Variants in SHPK observed in about 807,000 individuals in gnomAD.
SHPK encodes the protein sedoheptulokinase, also known as carbohydrate kinase-like protein.
SHPK carries 51 observed loss-of-function variants against 46.3 expected under a neutral mutation model. The ratio of observed to expected loss-of-function variants is 1.10; its 90% CI spans 0.88 to 1.39. The LOEUF (loss-of-function observed/expected upper bound fraction) is 1.39, where lower values mean the gene tolerates loss of function less well. SHPK is among the 40% of genes most tolerant of loss of function. SHPK has a pLI of 0.00. For missense variants in SHPK, 668 were observed against 641.3 expected, an observed-to-expected ratio of 1.04 and a Z score of -0.45; for synonymous variants, 290 against 273.9, an observed-to-expected ratio of 1.06 and a Z score of -0.58.
At chr17:3,633,880 G>A (rs1479006291) in intron 1 of SHPK, among the ~76,000 whole-genome samples, 1 of 151,994 alleles carries the variant, frequency 6.6e-6, no homozygotes, top group Non-Finnish European at 1.5e-5. Context: ...TGTCTGTGTA[G>A]AAAGAAGTAG....
chr17:3,631,685 G>A (rs1233858973), intron 1 of SHPK, among the ~76,000 whole-genome samples: 1 of 151,396 alleles, frequency 6.6e-6, no homozygotes, highest in Admixed American at 6.6e-5. Flanking sequence ...ACCACGCCGG[G>A]CTAATTTTTG....
intron 2 of SHPK, among the ~76,000 whole-genome samples, chr17:3,625,579 C>T (rs1304606878): frequency 1.3e-5 from 2 of 152,156 alleles, no homozygotes; most frequent in African/African-American, 4.8e-5. Context: ...CCGTGACCCC[C>T]TGGACCAGTC....
intron 4 of SHPK, 60 bp from the exon 5 acceptor site, chr17:3,621,472 A>ATCCTTCCTTCCT (rs897844938): frequency 6.7e-7 from 1 of 1,499,906 alleles, no homozygotes; most frequent in African/African-American, 1.4e-5. Flanking sequence ...AATTTAAGGG[A>ATCCTTCCTTCCT]TCCTTCCTTC....
chr17:3,628,416 G>A (rs1055827005), intron 2 of SHPK, among the ~76,000 whole-genome samples: 6 of 151,326 alleles, frequency 4.0e-5, no homozygotes, highest in African/African-American at 1.5e-4. Context: ...TCTGCCTCCC[G>A]GGTTCAAGTG....
intron 2 of SHPK, among the ~76,000 whole-genome samples, chr17:3,625,910 A>G (rs567483899): frequency 1.3e-5 from 2 of 152,070 alleles, no homozygotes; most frequent in Non-Finnish European, 2.9e-5. Context: ...AAAATTAGCC[A>G]GGTGTGGTAG....
chr17:3,612,313 C>A (rs527981163), intron 6 of SHPK, among the ~76,000 whole-genome samples: 17 of 151,520 alleles, frequency 1.1e-4, no homozygotes, highest in African/African-American at 3.9e-4. Context: ...GTAGTCCCAG[C>A]TACTTGGGAT....
intron 5 of SHPK, among the ~76,000 whole-genome samples, chr17:3,615,916 G>A (rs534082464): frequency 6.8e-6 from 1 of 147,480 alleles, no homozygotes; most frequent in African/African-American, 2.5e-5. Context: ...GTGCAATGGT[G>A]CGATCTTGGC....
In SHPK at chr17:3,610,155, G is replaced by T; in HGVS notation, c.*405C>A. ...AAAACGATAATCACAAGCTGGGCAT[G>T]GGGCAGTTCTCTTTTCCCACTTGGG... On this transcript the variant is annotated 3_prime_UTR_variant, in exon 7 of 7. Coordinates refer to ENST00000225519, the MANE Select transcript of SHPK (RefSeq NM_013276.4). 5.9e-6 allele frequency: 1 copy of T among 169,922 alleles called. No individual in the cohort carries two copies. 10.5% of individuals were successfully genotyped at this position (169,922 alleles called of 1,614,324 possible).
intron 2 of SHPK, 35 bp downstream of exon 2, chr17:3,630,170 C>T: frequency 6.2e-7 from 1 of 1,613,432 alleles, no homozygotes; most frequent in Non-Finnish European, 8.5e-7. Context: ...GAAGTGACTG[C>T]TACCAGCCTG....
chr17:3,618,959 C>T (rs1221977336), intron 5 of SHPK, among the ~76,000 whole-genome samples: 4 of 151,664 alleles, frequency 2.6e-5, no homozygotes, highest in African/African-American at 4.8e-5. Flanking sequence ...GGTAACTCCA[C>T]GTTTAACATT....
At chr17:3,626,047 CA>C (rs1306848971) in intron 2 of SHPK, among the ~76,000 whole-genome samples, 5 of 151,864 alleles carry the variant, frequency 3.3e-5, no homozygotes, top group Admixed American at 1.3e-4. Flanking sequence ...AGTGAGGCTC[CA>C]TCTCAGAAAA....
intron 1 of SHPK, among the ~76,000 whole-genome samples, chr17:3,635,707 G>T (rs1265390450): frequency 1.3e-5 from 2 of 152,172 alleles, no homozygotes; most frequent in African/African-American, 4.8e-5. Context: ...CAGCAAGAGT[G>T]AAAGGGAGGC....
rs1313191404 is a variant in SHPK at position 3,623,398 on chromosome 17, G to T, written c.588C>A (p.Asp196Glu). 9 of 1,614,068 alleles carry T rather than the reference G, an allele frequency of 5.6e-6. No homozygotes were observed. The highest frequency in any genetic ancestry group is 7.6e-6 in the Non-Finnish European group (9 of 1,180,006). The part of the protein sequence containing the change: ...LCGLPRPLMS[D>E]QNAASWGYFN... ...AATAGCCCCAGCTGGCAGCATTCTG[G>T]TCGGACATCAGAGGTCTTGGCAAGC... Residue 196 changes from aspartate (D) to glutamate (E), a missense_variant, in exon 4 of 7, where the codon GAC becomes GAA. By Grantham distance (45) the Asp-to-Glu change is conservative. Coordinates refer to ENST00000225519, the MANE Select transcript of SHPK (RefSeq NM_013276.4).
In SHPK at chr17:3,621,426, G is replaced by A; in HGVS notation, c.648-14C>T. The stretch of plus-strand genomic sequence containing the variant: ...GAGCTCCTCAGTCTGTAAAACAGAA[G>A]TGGACACCCACATGGACCCACAGTT... On this transcript the variant is annotated splice_polypyrimidine_tract_variant and intron_variant, in intron 4 of 6. Transcript: ENST00000225519. 2 of 1,612,344 alleles carry A rather than the reference G, an allele frequency of 1.2e-6. No individual in the cohort carries two copies. The highest frequency in any genetic ancestry group is 1.7e-6 in the Non-Finnish European group (2 of 1,179,064).
intron 1 of SHPK, among the ~76,000 whole-genome samples, 180 bp downstream of exon 1, chr17:3,635,872 G>A (rs1270561381): frequency 6.6e-6 from 1 of 152,138 alleles, no homozygotes; most frequent in Non-Finnish European, 1.5e-5. Flanking sequence ...GAAGGATTCT[G>A]GGACCAGACC....
chr17:3,621,022 G>A (rs1481821348), intron 5 of SHPK, among the ~76,000 whole-genome samples: 1 of 152,230 alleles, frequency 6.6e-6, no homozygotes, highest in Non-Finnish European at 1.5e-5. Flanking sequence ...GATGGTTGGT[G>A]CTCAGGGACA....
chr17:3,636,056 G>A lies in SHPK; in HGVS notation c.164C>T (p.Pro55Leu), dbSNP rs1210425704. 1 of 1,558,860 alleles carries A rather than the reference G, an allele frequency of 6.4e-7. No individual in the cohort carries two copies. The highest frequency in any genetic ancestry group is 1.4e-5 in the African/African-American group (1 of 73,444). Residue 55 changes from proline (P) to leucine (L), a missense_variant, in exon 1 of 7, where the codon CCC becomes CTC. Physicochemically the swap from Pro to Leu is moderately conservative, Grantham distance 98. Coordinates refer to ENST00000225519, the MANE Select transcript of SHPK (RefSeq NM_013276.4). ...GGCCCCGGGGGTCCAACTCACCTGGGGCCCGGCCACCGCGCTCTCGACCGC... is the reference window on the plus strand; with the variant it reads ...GGCCCCGGGGGTCCAACTCACCTGGAGCCCGGCCACCGCGCTCTCGACCGC... Reference protein sequence around the residue: ...EAAVESAVAGPQGREQDVSRI... With the variant: ...EAAVESAVAGLQGREQDVSRI...
intron 5 of SHPK, among the ~76,000 whole-genome samples, chr17:3,620,450 T>C (rs2075393740): frequency 6.6e-6 from 1 of 151,608 alleles, no homozygotes; most frequent in South Asian, 2.1e-4. Flanking sequence ...TTTTTTTTAA[T>C]ACAGATGGGG....
At position 3,621,249 on chromosome 17, in the gene SHPK, T is replaced by A; in HGVS notation, c.811A>T (p.Arg271Trp). 1 of 1,612,746 alleles carries A rather than the reference T, an allele frequency of 6.2e-7. No homozygotes were observed. Among genetic ancestry groups the A allele is most frequent in the African/African-American group, 1.3e-5 (1 of 75,000 alleles). ...AAGAAAAACTTACCTGCATCTGTCCTCTGGGCCATGCAGGAATAGACAGAG... is the reference window on the plus strand; with the variant it reads ...AAGAAAAACTTACCTGCATCTGTCCACTGGGCCATGCAGGAATAGACAGAG... ...QASVYSCMAQRTDAVLNISTS... is the reference protein window; with the variant it reads ...QASVYSCMAQWTDAVLNISTS... Residue 271 changes from arginine (R) to tryptophan (W), a missense_variant, in exon 5 of 7, where the codon AGG (arginine) becomes TGG (tryptophan). Coordinates refer to ENST00000225519, the MANE Select transcript of SHPK (RefSeq NM_013276.4).
Sources: allele counts gnomAD v4.1 joint callset (sites outside exome capture counted in the v4.1 genomes callset), GRCh38; gene constraint gnomAD v4.1.1; transcripts MANE v1.5; gene names NCBI Gene and HGNC (gene_info 2026-07-23, HGNC 2026-07-21).